The following MSTO1 variants were observed in gnomAD, a reference collection of about 807,000 sequenced individuals.
The protein encoded by MSTO1 is protein misato homolog 1.
Under a neutral mutation model 55.7 loss-of-function variants are expected in MSTO1, and 24 were observed. That is an observed-to-expected ratio of 0.43 (90% CI 0.31 to 0.61). The LOEUF (loss-of-function observed/expected upper bound fraction) is 0.61. Among genes scored for constraint, MSTO1 ranks in the 20% least tolerant of loss-of-function variants. MSTO1 has a pLI of 0.09. For synonymous variants in MSTO1, 162 were observed against 252.8 expected, an observed-to-expected ratio of 0.64 and a Z score of 3.41; for missense variants, 363 against 625.7, an observed-to-expected ratio of 0.58 and a Z score of 4.48.
chr1:155,595,325 C>T, the MSTO1 span, among the ~76,000 whole-genome samples: 189 of 151,654 alleles, frequency 1.2e-3, 2 homozygotes, highest in African/African-American at 4.4e-3. Context: ...CTACAGGTGC[C>T]CACCACCATG....
chr1:155,605,855 T>C (rs933023380), upstream of MSTO1, among the ~76,000 whole-genome samples: 2 of 152,176 alleles, frequency 1.3e-5, no homozygotes, highest in African/African-American at 2.4e-5. Context: ...TTTAAAGAAA[T>C]GATGCCAATC....
At chr1:155,601,299 A>G in the MSTO1 span, among the ~76,000 whole-genome samples, 1 of 143,590 alleles carries the variant, frequency 7.0e-6, no homozygotes, top group Non-Finnish European at 1.5e-5. Flanking sequence ...ACGCCCGGCT[A>G]TTTTTTTTTG....
the MSTO1 span, among the ~76,000 whole-genome samples, chr1:155,592,329 C>T: frequency 6.6e-6 from 1 of 152,090 alleles, no homozygotes; most frequent in Non-Finnish European, 1.5e-5. Flanking sequence ...TAATTTATAC[C>T]TCACACTTAA....
In MSTO1 at chr1:155,614,750, G is replaced by C; in HGVS notation, c.*477G>C. The C allele has an allele frequency of 6.4e-7, 1 of 1,565,614 alleles. No individual in the cohort carries two copies. Among genetic ancestry groups the C allele is most frequent in the Middle Eastern group, 1.7e-4 (1 of 5,972 alleles). ...TCATCCAGCTCCTCTTCAGACAGAAGGTCCCCATGGTCAGACAGCTGGTCT... is the reference window on the plus strand; with the variant it reads ...TCATCCAGCTCCTCTTCAGACAGAACGTCCCCATGGTCAGACAGCTGGTCT... On this transcript the variant is annotated 3_prime_UTR_variant, in exon 14 of 14. Transcript: ENST00000245564.
chr1:155,582,297 G>A, the MSTO1 span, among the ~76,000 whole-genome samples: 1 of 152,166 alleles, frequency 6.6e-6, no homozygotes, highest in African/African-American at 2.4e-5. Flanking sequence ...GACATGAAAA[G>A]ACTGAAAACA....
At chr1:155,597,365 G>T in the MSTO1 span, among the ~76,000 whole-genome samples, 1 of 150,832 alleles carries the variant, frequency 6.6e-6, no homozygotes, top group East Asian at 2.0e-4. Flanking sequence ...AGCTACTCGG[G>T]AGGCTGAGGC....
At chr1:155,589,940 A>G in the MSTO1 span, among the ~76,000 whole-genome samples, 2 of 148,702 alleles carry the variant, frequency 1.3e-5, no homozygotes, top group Non-Finnish European at 3.0e-5. Context: ...TCAAGTTGAC[A>G]CTTAATTTTT....
chr1:155,568,843 T>C, the MSTO1 span, among the ~76,000 whole-genome samples: 1 of 151,000 alleles, frequency 6.6e-6, no homozygotes, highest in East Asian at 1.9e-4. Flanking sequence ...CTTTTTCTTT[T>C]TCTTTTTCTT....
At chr1:155,588,877 T>C in the MSTO1 span, among the ~76,000 whole-genome samples, 1 of 152,200 alleles carries the variant, frequency 6.6e-6, no homozygotes, top group African/African-American at 2.4e-5. Context: ...TCTCCCTGCA[T>C]GTGCCCCCTT....
chr1:155,614,604 C>T lies in MSTO1; in HGVS notation c.*331C>T. On this transcript the variant is annotated 3_prime_UTR_variant, in exon 14 of 14. Coordinates refer to ENST00000245564, the MANE Select transcript of MSTO1 (RefSeq NM_018116.4). ...CAGCCTTTGTCCTTGTCCTGGCCTC[C>T]TGCTCTCCAGATCTGTAAACTGGGC... is the stretch of plus-strand genomic sequence containing the variant. The T allele has an allele frequency of 1.4e-6, 1 of 698,318 alleles. No individual in the cohort carries two copies. The highest frequency in any genetic ancestry group is 2.7e-5 in the East Asian group (1 of 36,908). 43.3% of individuals were successfully genotyped at this position (698,318 alleles called of 1,614,324 possible).
chr1:155,606,170 A>G (rs371969981), upstream of MSTO1, among the ~76,000 whole-genome samples: 30 of 133,566 alleles, frequency 2.2e-4, no homozygotes, highest in South Asian at 7.4e-3. Flanking sequence ...AGTAGCTGGG[A>G]CTACAGGCAC....
chr1:155,568,089 A>ATTTTATTTTAT, the MSTO1 span, among the ~76,000 whole-genome samples: 82 of 148,134 alleles, frequency 5.5e-4, no homozygotes, highest in African/African-American at 1.9e-3. Flanking sequence ...ATTTTATTTT[A>ATTTTATTTTAT]TTTTTTTTGA....
At chr1:155,563,941 CAT>C in the MSTO1 span, 1 of 194,554 alleles carries the variant, frequency 5.1e-6, no homozygotes, top group Non-Finnish European at 1.1e-5. Context: ...ACAAAGCAAA[CAT>C]AGGCCTGTTA....
At chr1:155,598,753 A>T in the MSTO1 span, 1 of 688,894 alleles carries the variant, frequency 1.5e-6, no homozygotes, top group Non-Finnish European at 2.5e-6. Flanking sequence ...AAACATAAGT[A>T]CTGTTGACAG....
At chr1:155,600,786 C>T in the MSTO1 span, among the ~76,000 whole-genome samples, 1 of 152,110 alleles carries the variant, frequency 6.6e-6, no homozygotes, top group Admixed American at 6.6e-5. Flanking sequence ...ATGCCATTCT[C>T]CTGCCTCAGC....
chr1:155,594,612 C>T, the MSTO1 span, among the ~76,000 whole-genome samples: 14 of 151,724 alleles, frequency 9.2e-5, no homozygotes, highest in African/African-American at 2.7e-4. Flanking sequence ...CCACCTAAGC[C>T]GTGTTTCTCT....
chr1:155,607,872 C>G (rs553133596), upstream of MSTO1, among the ~76,000 whole-genome samples: 38 of 152,310 alleles, frequency 2.5e-4, no homozygotes, highest in Non-Finnish European at 4.0e-4. Flanking sequence ...TGGCCTATGC[C>G]TGTAATTGCA....
At chr1:155,580,982 C>T in the MSTO1 span, among the ~76,000 whole-genome samples, 22 of 150,690 alleles carry the variant, frequency 1.5e-4, no homozygotes, top group Admixed American at 2.6e-4. Context: ...ATCAGAGTAG[C>T]GGCAGAGTTT....
upstream of MSTO1, chr1:155,610,163 C>A (rs1388668991): frequency 4.3e-6 from 5 of 1,158,904 alleles, no homozygotes; most frequent in Admixed American, 1.1e-4. Flanking sequence ...CCGAGAATAA[C>A]ACCCGCCCAC....
Sources: gnomAD v4.1 joint callset for allele counts (sites outside exome capture counted in the v4.1 genomes callset) on GRCh38, gnomAD v4.1.1 for gene constraint, MANE v1.5 for transcripts, NCBI Gene and HGNC (gene_info 2026-07-23, HGNC 2026-07-21) for gene names.